Variants in GPR143 observed in about 807,000 individuals in gnomAD.
GPR143 encodes the protein G protein-coupled receptor 143.
Under a neutral mutation model 27.6 loss-of-function variants are expected in GPR143, and 8 were observed. The observed-to-expected ratio is 0.29, with a 90% CI of 0.17 to 0.52. The LOEUF (loss-of-function observed/expected upper bound fraction) is 0.52. GPR143 is among the 20% of genes least tolerant of loss of function. GPR143 has a pLI of 0.96. For synonymous variants in GPR143, 156 were observed against 153.2 expected, an observed-to-expected ratio of 1.02 and a Z score of -0.13; for missense variants, 303 against 343.1, an observed-to-expected ratio of 0.88 and a Z score of 0.92.
intron 5 of GPR143, among the ~76,000 whole-genome samples, chrX:9,744,666 A>G (rs1483962521): frequency 1.8e-5 from 2 of 111,117 alleles, no homozygotes; most frequent in African/African-American, 6.5e-5. Flanking sequence ...GATCACGTCA[A>G]TTCACTCCAG....
intron 8 of GPR143, among the ~76,000 whole-genome samples, chrX:9,735,899 A>G (rs5979167): frequency 0.27 from 30,077 of 111,294 alleles, 6,081 homozygotes; most frequent in African/African-American, 0.71. Context: ...ATAGGAAAGC[A>G]GCCCTGGTAA....
At chrX:9,734,809 A>C (rs2083371755) in intron 8 of GPR143, among the ~76,000 whole-genome samples, 2 of 111,044 alleles carry the variant, frequency 1.8e-5, no homozygotes, top group African/African-American at 6.6e-5. Flanking sequence ...TATAAGCTCC[A>C]CCCAGTCCCC....
intron 8 of GPR143, among the ~76,000 whole-genome samples, chrX:9,729,589 A>C (rs757236783): frequency 8.9e-6 from 1 of 112,382 alleles, no homozygotes; most frequent in Non-Finnish European, 1.9e-5. Flanking sequence ...TGAATTTCCA[A>C]GGGTTTCTCT....
At chrX:9,728,253 T>C (rs1216807138) in intron 8 of GPR143, among the ~76,000 whole-genome samples, 3 of 110,834 alleles carry the variant, frequency 2.7e-5, no homozygotes, top group African/African-American at 9.9e-5. Context: ...AATGGGTCAG[T>C]ACAGTCACAT....
At chrX:9,767,759 C>T (rs768076375), upstream of GPR143, among the ~76,000 whole-genome samples, 1 of 112,630 alleles carries the variant, frequency 8.9e-6, no homozygotes, top group Non-Finnish European at 1.9e-5. Context: ...TAGAACTACT[C>T]CCCAAGCATT....
chrX:9,765,646 C>T lies in GPR143; in HGVS notation c.172G>A (p.Gly58Arg), dbSNP rs2146705844. Reference sequence around the variant, plus strand: ...GCCGGCGGGGACGTCGCGGGGGACCCGGGGCCCGCGGGCCGGCGGCCGGGC... The same window carrying T: ...GCCGGCGGGGACGTCGCGGGGGACCTGGGGCCCGCGGGCCGGCGGCCGGGC... ...LLPGRRPAGP[G>R]SPATSPPASV... The change falls in exon 1 of 9, where the codon GGG becomes AGG. Residue 58 changes from glycine (G) to arginine (R), a missense_variant. Transcript: ENST00000467482. 9.2e-6 allele frequency: 9 copies of T among 981,824 alleles called. No individual in the cohort carries two copies. Among genetic ancestry groups the T allele is most frequent in the Non-Finnish European group, 1.1e-5 (9 of 784,453 alleles). 80.9% of individuals were successfully genotyped at this position (981,824 alleles called of 1,213,427 possible).
chrX:9,774,863 T>G (rs1340810634), intron 1 of GPR143, among the ~76,000 whole-genome samples: 4 of 111,086 alleles, frequency 3.6e-5, no homozygotes, highest in African/African-American at 3.3e-5. Flanking sequence ...ATTGTTTTTT[T>G]GTTTGTTTGG....
At chrX:9,733,432 G>T (rs1028018021) in intron 8 of GPR143, among the ~76,000 whole-genome samples, 2 of 110,934 alleles carry the variant, frequency 1.8e-5, no homozygotes, top group African/African-American at 3.3e-5. Context: ...TTGTGGGAAA[G>T]ATGGGGATTG....
intron 3 of GPR143, among the ~76,000 whole-genome samples, chrX:9,749,787 G>T (rs2083443919): frequency 9.0e-6 from 1 of 110,819 alleles, no homozygotes; most frequent in Non-Finnish European, 1.9e-5. Flanking sequence ...AGGGGTTAGG[G>T]GTCAGGGTCT....
At chrX:9,745,112 G>A (rs1024265704) in intron 5 of GPR143, among the ~76,000 whole-genome samples, 1 of 111,350 alleles carries the variant, frequency 9.0e-6, no homozygotes, top group Non-Finnish European at 1.9e-5. Flanking sequence ...AAAAGTAGCC[G>A]GGCGTGGTGG....
At chrX:9,759,826 G>A (rs755666365) in intron 2 of GPR143, among the ~76,000 whole-genome samples, 61 of 111,423 alleles carry the variant, frequency 5.5e-4, no homozygotes, top group Non-Finnish European at 7.5e-4. Flanking sequence ...TGTTAGAAAC[G>A]ACACAAGGTC....
upstream of GPR143, among the ~76,000 whole-genome samples, chrX:9,770,307 G>T (rs1439203941): frequency 2.0e-5 from 2 of 100,376 alleles, no homozygotes; most frequent in African/African-American, 7.8e-5. Context: ...AAGAACAGGA[G>T]AAAGAAAGAA....
At chrX:9,726,005 A>C in intron 8 of GPR143, 165 bp from the exon 9 acceptor site, 1 of 610,592 alleles carries the variant, frequency 1.6e-6, no homozygotes, top group Non-Finnish European at 1.9e-6. Flanking sequence ...AAAAAAAAAA[A>C]GGTGGGAGGG....
chrX:9,746,051 C>T lies in GPR143; in HGVS notation c.651G>A (p.Val217=), dbSNP rs955534324. The T allele has an allele frequency of 8.6e-7, 1 of 1,168,211 alleles. No individual in the cohort carries two copies. The highest frequency in any genetic ancestry group is 1.8e-5 in the South Asian group (1 of 56,018). ...AGCTTCCCTAGTATTTACCTGCAGT[C>T]ACTGTCTTTTGGAACAGGATGGGGT... is the stretch of plus-strand genomic sequence containing the variant. ...VANPILFQKT[V]TAVASLLKGR... The change falls in exon 5 of 9, where the codon GTG becomes GTA. Residue 217 remains valine, a synonymous_variant. Coordinates refer to ENST00000467482, the MANE Select transcript of GPR143 (RefSeq NM_000273.3).
chrX:9,729,500 T>G (rs1187200134), intron 8 of GPR143, among the ~76,000 whole-genome samples: 3 of 111,841 alleles, frequency 2.7e-5, no homozygotes, highest in Non-Finnish European at 5.6e-5. Context: ...ACAACTTTCT[T>G]GAAGTAAATT....
chrX:9,738,584 A>C, intron 8 of GPR143: 1 of 630,973 alleles, frequency 1.6e-6, no homozygotes, highest in Non-Finnish European at 1.9e-6. Context: ...CAAGCTTGTC[A>C]CCTGAAAGTG....
intron 4 of GPR143, among the ~76,000 whole-genome samples, chrX:9,747,224 A>G (rs2083432892): frequency 9.0e-6 from 1 of 110,614 alleles, no homozygotes; most frequent in Admixed American, 9.8e-5. Context: ...CTCCGATGCA[A>G]AGACAGAAAG....
chrX:9,732,365 C>T (rs1000800641), intron 8 of GPR143, among the ~76,000 whole-genome samples: 3 of 111,128 alleles, frequency 2.7e-5, no homozygotes, highest in Non-Finnish European at 5.7e-5. Flanking sequence ...CGGTAAGAAA[C>T]ATACAGGACT....
At chrX:9,744,410 C>T (rs183056418) in intron 5 of GPR143, among the ~76,000 whole-genome samples, 1 of 111,257 alleles carries the variant, frequency 9.0e-6, no homozygotes, top group Non-Finnish European at 1.9e-5. Context: ...AGCTCATTTT[C>T]TCTGTTATAA....
Sources: gnomAD v4.1 joint callset for allele counts (sites outside exome capture counted in the v4.1 genomes callset) on GRCh38, gnomAD v4.1.1 for gene constraint, MANE v1.5 for transcripts, NCBI Gene and HGNC (gene_info 2026-07-23, HGNC 2026-07-21) for gene names.